The following NRG1 variants were observed in gnomAD, a reference collection of about 807,000 sequenced individuals.
The protein encoded by NRG1 is neuregulin 1.
NRG1 carries 18 observed loss-of-function variants against 63.8 expected under a neutral mutation model. The observed-to-expected ratio is 0.28, with a 90% CI of 0.19 to 0.42. The LOEUF (loss-of-function observed/expected upper bound fraction) is 0.42, where lower values mean the gene tolerates loss of function less well. Among genes scored for constraint, NRG1 ranks in the 10% least tolerant of loss-of-function variants. The pLI is 1.00. For synonymous variants in NRG1, 302 were observed against 301.3 expected (o/e 1.00, Z -0.02); for missense variants, 762 against 814.7 (o/e 0.94, Z 0.79).
intron 1 of NRG1, among the ~76,000 whole-genome samples, chr8:32,318,593 T>TA (rs1801030336): frequency 6.6e-6 from 1 of 152,216 alleles, no homozygotes; most frequent in Admixed American, 6.5e-5. Flanking sequence ...TGCTTTGAGT[T>TA]ACAGCATTTT....
At chr8:32,458,946 T>C (rs1821958145) in intron 1 of NRG1, among the ~76,000 whole-genome samples, 2 of 152,190 alleles carry the variant, frequency 1.3e-5, no homozygotes, top group Non-Finnish European at 2.9e-5. Flanking sequence ...TTCTCCTCTG[T>C]TTAACTTCCA....
intron 1 of NRG1, among the ~76,000 whole-genome samples, chr8:32,469,389 C>T (rs1051434832): frequency 6.6e-6 from 1 of 152,112 alleles, no homozygotes; most frequent in Non-Finnish European, 1.5e-5. Context: ...GGGAGAGTGA[C>T]GTGGATGGTA....
intron 1 of NRG1, among the ~76,000 whole-genome samples, chr8:32,555,705 T>TCA (rs1835033088): frequency 6.6e-6 from 1 of 152,136 alleles, no homozygotes; most frequent in African/African-American, 2.4e-5. Flanking sequence ...TCTCCTGACC[T>TCA]CGTGATCCGC....
intron 1 of NRG1, among the ~76,000 whole-genome samples, chr8:31,833,561 C>T (rs1459721721): frequency 6.6e-6 from 1 of 152,194 alleles, no homozygotes; most frequent in Non-Finnish European, 1.5e-5. Context: ...ATTCCTTGGG[C>T]ACCAGTGGTT....
At chr8:32,441,870 T>A (rs1365202755) in intron 1 of NRG1, among the ~76,000 whole-genome samples, 1 of 152,124 alleles carries the variant, frequency 6.6e-6, no homozygotes. Flanking sequence ...GACCTTCAAC[T>A]CTGGTACTCG....
intron 1 of NRG1, among the ~76,000 whole-genome samples, chr8:32,198,046 G>C (rs1178974564): frequency 1.3e-5 from 2 of 152,204 alleles, no homozygotes; most frequent in Non-Finnish European, 2.9e-5. Context: ...GCCAAATATT[G>C]CATGAGGATT....
At chr8:32,219,289 T>C (rs1845569299) in intron 1 of NRG1, among the ~76,000 whole-genome samples, 1 of 152,180 alleles carries the variant, frequency 6.6e-6, no homozygotes, top group Non-Finnish European at 1.5e-5. Flanking sequence ...CTAAAACAGC[T>C]CTTTTCTCAC....
intron 1 of NRG1, among the ~76,000 whole-genome samples, chr8:32,089,544 G>A (rs1000396553): frequency 6.6e-6 from 1 of 151,828 alleles, no homozygotes; most frequent in Non-Finnish European, 1.5e-5. Context: ...TCTCTCTAGG[G>A]CAACAGTCAT....
At chr8:31,753,423 C>T (rs1816680150) in intron 1 of NRG1, among the ~76,000 whole-genome samples, 1 of 151,906 alleles carries the variant, frequency 6.6e-6, no homozygotes, top group South Asian at 2.1e-4. Context: ...ACATTTGGTA[C>T]CTGTTGTTAG....
intron 5 of NRG1, among the ~76,000 whole-genome samples, chr8:32,652,403 C>T (rs1442931866): frequency 6.6e-6 from 1 of 152,044 alleles, no homozygotes; most frequent in African/African-American, 2.4e-5. Flanking sequence ...TAGCAGATTG[C>T]TCTGTGGCTC....
intron 1 of NRG1, among the ~76,000 whole-genome samples, chr8:31,726,832 C>T (rs1245903568): frequency 1.3e-5 from 2 of 151,924 alleles, no homozygotes; most frequent in African/African-American, 4.8e-5. Flanking sequence ...TACAGGATGC[C>T]CCAGGGAGTG....
At chr8:32,228,434 G>T (rs981250691) in intron 1 of NRG1, among the ~76,000 whole-genome samples, 1 of 151,948 alleles carries the variant, frequency 6.6e-6, no homozygotes, top group Admixed American at 6.6e-5. Context: ...CTACTTTTCA[G>T]TTCTAATGTT....
At chr8:31,700,726 C>T (rs762083533) in intron 1 of NRG1, among the ~76,000 whole-genome samples, 3 of 152,144 alleles carry the variant, frequency 2.0e-5, no homozygotes, top group Non-Finnish European at 2.9e-5. Context: ...GATGAAGCAC[C>T]ATGGTTTCCT....
intron 1 of NRG1, among the ~76,000 whole-genome samples, chr8:32,497,832 T>A (rs537282093): frequency 1.2e-3 from 183 of 152,336 alleles, no homozygotes; most frequent in African/African-American, 4.1e-3. Flanking sequence ...TTTATTTACT[T>A]ATTTTTTTGA....
chr8:32,362,049 C>T (rs1489380932), intron 1 of NRG1, among the ~76,000 whole-genome samples: 1 of 152,148 alleles, frequency 6.6e-6, no homozygotes, highest in Admixed American at 6.5e-5. Context: ...CACCCTCCTC[C>T]AGATTTGGTT....
chr8:32,229,766 G>C (rs1482586794), intron 1 of NRG1, among the ~76,000 whole-genome samples: 1 of 152,122 alleles, frequency 6.6e-6, no homozygotes, highest in Non-Finnish European at 1.5e-5. Flanking sequence ...GGAATATGTT[G>C]CCAAGACATT....
intron 1 of NRG1, among the ~76,000 whole-genome samples, chr8:31,770,518 C>CA (rs1257499674): frequency 7.1e-6 from 1 of 140,566 alleles, no homozygotes; most frequent in Non-Finnish European, 1.5e-5. Context: ...ATCGCAAGGA[C>CA]AAAAAACCAA....
At chr8:32,341,019 C>G (rs948954165) in intron 1 of NRG1, among the ~76,000 whole-genome samples, 1 of 152,138 alleles carries the variant, frequency 6.6e-6, no homozygotes, top group East Asian at 1.9e-4. Flanking sequence ...AATAACAATA[C>G]GTGAGAGATG....
chr8:32,593,729 A>T (rs1588555385), intron 1 of NRG1, among the ~76,000 whole-genome samples: 1 of 152,104 alleles, frequency 6.6e-6, no homozygotes, highest in Admixed American at 6.6e-5. Flanking sequence ...AGAAATATGT[A>T]GACACTATTT....
Sources: allele counts gnomAD v4.1 joint callset (sites outside exome capture counted in the v4.1 genomes callset), GRCh38; gene constraint gnomAD v4.1.1; transcripts MANE v1.5; gene names NCBI Gene and HGNC (gene_info 2026-07-23, HGNC 2026-07-21).